Variants in HNF4G observed in about 807,000 individuals in gnomAD.
HNF4G encodes the protein hepatocyte nuclear factor 4-gamma.
A neutral mutation model predicts 50.9 loss-of-function variants in HNF4G; 21 were observed. The ratio of observed to expected loss-of-function variants is 0.41; its 90% CI spans 0.29 to 0.59. The LOEUF is 0.59. HNF4G is among the 20% of genes least tolerant of loss of function. The probability of loss-of-function intolerance (pLI) is 0.26; values close to 1 mark genes in which losing one functional copy is unlikely to be tolerated. For missense variants in HNF4G, 527 were observed against 559.4 expected (o/e 0.94, Z 0.58); for synonymous variants, 198 against 185.6 (o/e 1.07, Z -0.54).
At chr8:75,554,379 G>A (rs1807054759) in intron 5 of HNF4G, among the ~76,000 whole-genome samples, 1 of 152,124 alleles carries the variant, frequency 6.6e-6, no homozygotes, top group African/African-American at 2.4e-5. Context: ...GTGAAAAACA[G>A]TTTTAATTTG....
chr8:75,535,115 G>T (rs997527796), upstream of HNF4G, among the ~76,000 whole-genome samples: 1 of 151,580 alleles, frequency 6.6e-6, no homozygotes, highest in African/African-American at 2.4e-5. Context: ...CTGGGCTTTA[G>T]GAAAAAAATG....
At chr8:75,409,486 T>TC (rs1782543215) in intron 1 of HNF4G, among the ~76,000 whole-genome samples, 2 of 139,588 alleles carry the variant, frequency 1.4e-5, no homozygotes, top group South Asian at 4.7e-4. Flanking sequence ...TGTTCTTTTT[T>TC]TTTTTTTTTT....
rs760214652 is a variant in HNF4G at position 75,551,377 on chromosome 8, T to C, written c.383-11T>C. On this transcript the variant is annotated splice_polypyrimidine_tract_variant and intron_variant, in intron 3 of 9. Coordinates refer to ENST00000396423, the MANE Select transcript of HNF4G (RefSeq NM_004133.5). ...GAAGTGCTCAATAAATACTGTGTTT[T>C]TTCCCCCTAGCTGTACAAAATGAAC... The C allele has an allele frequency of 1.9e-6, 3 of 1,542,004 alleles. No individual in the cohort carries two copies. The highest frequency in any genetic ancestry group is 1.1e-5 in the South Asian group (1 of 89,560).
At position 75,559,051 on chromosome 8, in the gene HNF4G, A is replaced by AT. The variant is rs1367974096; in HGVS notation, c.1123+15dup. The AT allele has an allele frequency of 1.4e-6, 2 of 1,383,450 alleles. No individual in the cohort carries two copies. The highest frequency in any genetic ancestry group is 1.8e-4 in the Middle Eastern group (1 of 5,634). 85.7% of individuals were successfully genotyped at this position (1,383,450 alleles called of 1,614,324 possible). A position where few individuals can be genotyped will look rare whatever the true frequency, so the allele number is the denominator to read the frequency against. On this transcript the variant is annotated intron_variant, in intron 8 of 9. Transcript: ENST00000396423. ...TGCTATTAGGTGGTGAGTACATTGA[A>AT]TAATTTCTACTTTATTGATTAGAAT... is the stretch of plus-strand genomic sequence containing the variant.
chr8:75,559,281 T>TGTTG (rs200907264), intron 8 of HNF4G, among the ~76,000 whole-genome samples: 1 of 150,464 alleles, frequency 6.6e-6, no homozygotes, highest in Non-Finnish European at 1.5e-5. Context: ...TTGTTTGTTT[T>TGTTG]TTTTTTTTTT....
At chr8:75,440,005 A>G (rs1220620704) in intron 1 of HNF4G, among the ~76,000 whole-genome samples, 1 of 152,062 alleles carries the variant, frequency 6.6e-6, no homozygotes, top group African/African-American at 2.4e-5. Flanking sequence ...TAATCTGCAT[A>G]ACTATTTCAG....
chr8:75,474,012 G>A (rs887639494), intron 1 of HNF4G, among the ~76,000 whole-genome samples: 4 of 152,156 alleles, frequency 2.6e-5, no homozygotes, highest in African/African-American at 9.6e-5. Flanking sequence ...AGAAGGTTAG[G>A]ATGGAGGTGA....
At chr8:75,449,512 T>TTG (rs1258643944) in intron 1 of HNF4G, among the ~76,000 whole-genome samples, 1 of 144,994 alleles carries the variant, frequency 6.9e-6, no homozygotes, top group Non-Finnish European at 1.5e-5. Flanking sequence ...TTTTTTTCTT[T>TTG]TTTTTTTTTT....
intron 4 of HNF4G, among the ~76,000 whole-genome samples, chr8:75,552,449 A>T (rs893542772): frequency 6.6e-6 from 1 of 151,380 alleles, no homozygotes; most frequent in Admixed American, 6.6e-5. Context: ...CTAAAATTAC[A>T]AATTTACAAA....
chr8:75,536,341 C>T (rs1374304644), upstream of HNF4G, among the ~76,000 whole-genome samples: 2 of 151,882 alleles, frequency 1.3e-5, no homozygotes, highest in African/African-American at 4.8e-5. Flanking sequence ...TAGAAGTAAA[C>T]TTAAAAGCAC....
chr8:75,425,110 GA>G (rs1238398139), intron 1 of HNF4G, among the ~76,000 whole-genome samples: 2 of 84,292 alleles, frequency 2.4e-5, no homozygotes. Flanking sequence ...ATTTTAGACG[GA>G]GTCTCGCTCA....
Position 75,546,393 on chromosome 8 carries a change from T to C in HNF4G, c.288-1194T>C, listed in dbSNP as rs547426064. On this transcript the variant is annotated intron_variant, in intron 2 of 9. Transcript: ENST00000396423. ...TTTTTTATGTGTTTGTTTGTTTGTT[T>C]GGTTAAGTATACAAGTCAGTTTTTT... Among the ~76,000 whole-genome samples, 17 of 152,272 alleles carry C rather than the reference T, an allele frequency of 1.1e-4. No homozygotes were observed. The South Asian group carries it at 3.5e-3, about 32-fold the overall frequency.
At position 75,558,619 on chromosome 8, in the gene HNF4G, A is replaced by G. The variant is rs1247459714; in HGVS notation, c.835A>G (p.Ile279Val). The part of the protein sequence containing the change: ...ELVRPFQEIQ[I>V]DDNEYACLKA... The stretch of plus-strand genomic sequence containing the variant: ...GGTTAGACCATTTCAAGAAATCCAG[A>G]TTGATGACAATGAGTATGCTTGTTT... The change falls in exon 7 of 10, where the codon ATT becomes GTT. Residue 279 changes from isoleucine to valine, a missense_variant. Around this residue, in one of 5 missense-constraint regions of HNF4G, gnomAD observed 308 missense variants for 301.5 expected, o/e 1.02. Coordinates refer to ENST00000396423, the MANE Select transcript of HNF4G (RefSeq NM_004133.5). 2.7e-5 allele frequency: 43 copies of G among 1,613,888 alleles called. No individual in the cohort carries two copies. Among genetic ancestry groups the G allele is most frequent in the Non-Finnish European group, 3.6e-5 (42 of 1,179,940 alleles).
intron 1 of HNF4G, among the ~76,000 whole-genome samples, chr8:75,447,733 A>G (rs1220249439): frequency 6.0e-5 from 9 of 149,658 alleles, no homozygotes; most frequent in Admixed American, 2.0e-4. Flanking sequence ...CCACTATGAG[A>G]TATCATCTCA....
chr8:75,431,926 C>CA (rs35551312), intron 1 of HNF4G, among the ~76,000 whole-genome samples: 8,950 of 138,212 alleles, frequency 0.065, 328 homozygotes, highest in Non-Finnish European at 0.085. Flanking sequence ...AACTCCATCT[C>CA]AAAAAAAAAA....
At position 75,427,730 on chromosome 8, in the gene HNF4G, T is replaced by C. The variant is rs1457796125; in HGVS notation, c.-144+19568T>C. On this transcript the variant is annotated intron_variant, in intron 1 of 10. Coordinates refer to the HNF4G transcript ENST00000354370. ...TTGTAATAAGCCTATGTTTCTTTGA[T>C]TTAGATAATAGCAGGGTATATTGAG... Among the ~76,000 whole-genome samples the C allele has an allele frequency of 2.6e-5, 4 of 152,168 alleles. No homozygotes were observed. The East Asian group carries it at 7.7e-4, about 29-fold the overall frequency.
At chr8:75,555,940 A>T in intron 5 of HNF4G, 42 bp from the exon 6 acceptor site, 1 of 1,055,672 alleles carries the variant, frequency 9.5e-7, no homozygotes, top group Non-Finnish European at 1.4e-6. Context: ...TTTAATCATT[A>T]TATATTATAA....
intron 2 of HNF4G, among the ~76,000 whole-genome samples, chr8:75,495,675 C>G (rs1812751343): frequency 6.6e-6 from 1 of 151,710 alleles, no homozygotes; most frequent in Non-Finnish European, 1.5e-5. Context: ...GTAGATGAGC[C>G]CACAGGCCCG....
intron 1 of HNF4G, among the ~76,000 whole-genome samples, chr8:75,477,607 T>C (rs1038815736): frequency 5.9e-5 from 9 of 152,060 alleles, no homozygotes; most frequent in Non-Finnish European, 1.5e-5. Flanking sequence ...CTTGTTTTTC[T>C]GCTAGACCTT....
Sources: allele counts gnomAD v4.1 joint callset (sites outside exome capture counted in the v4.1 genomes callset), GRCh38; gene constraint gnomAD v4.1.1; regional missense constraint gnomAD v4.1.1; transcripts MANE v1.5; gene names NCBI Gene and HGNC (gene_info 2026-07-23, HGNC 2026-07-21).